The following ART1 variants were observed in gnomAD, a reference collection of about 807,000 sequenced individuals.
ART1 encodes ADP-ribosyltransferase 1.
Under a neutral mutation model 27.0 loss-of-function variants are expected in ART1, and 29 were observed. That is an observed-to-expected ratio of 1.08 (90% confidence interval 0.80 to 1.47). The LOEUF is 1.47. Among genes scored for constraint, ART1 ranks in the 40% most tolerant of loss-of-function variants. The probability of loss-of-function intolerance (pLI) is 0.00; values close to 1 mark genes in which losing one functional copy is unlikely to be tolerated. For synonymous variants in ART1, 201 were observed against 172.2 expected, an observed-to-expected ratio of 1.17 and a Z score of -1.31; for missense variants, 480 against 423.0, an observed-to-expected ratio of 1.13 and a Z score of -1.18.
At chr11:3,651,092 C>G (rs919946316) in intron 1 of ART1, among the ~76,000 whole-genome samples, 2 of 151,974 alleles carry the variant, frequency 1.3e-5, no homozygotes, top group African/African-American at 4.8e-5. Flanking sequence ...CCTTATCAAC[C>G]AAATTGTTTT....
At chr11:3,663,089 ATC>A (rs2077634203) in intron 4 of ART1, among the ~76,000 whole-genome samples, 1 of 87,116 alleles carries the variant, frequency 1.1e-5, no homozygotes, top group African/African-American at 4.4e-5. Context: ...ATCTCATCTC[ATC>A]ATCTCATCTC....
intron 1 of ART1, among the ~76,000 whole-genome samples, chr11:3,658,442 G>A (rs2077591185): frequency 1.3e-5 from 2 of 152,102 alleles, no homozygotes; most frequent in African/African-American, 4.8e-5. Context: ...CACTCCGCCT[G>A]TCCCCCAGCA....
intron 1 of ART1, among the ~76,000 whole-genome samples, chr11:3,658,237 G>A (rs973646761): frequency 2.0e-5 from 3 of 151,370 alleles, no homozygotes; most frequent in Non-Finnish European, 2.9e-5. Flanking sequence ...GGAGGCTGAG[G>A]CAAAAGAATC....
intron 2 of ART1, 98 bp from the exon 3 acceptor site, chr11:3,659,485 C>A: frequency 7.0e-7 from 1 of 1,437,820 alleles, no homozygotes. Context: ...TGTTTGGGGC[C>A]CTTCCTGCCT....
At chr11:3,653,631 G>A (rs534276597) in intron 1 of ART1, among the ~76,000 whole-genome samples, 5 of 152,214 alleles carry the variant, frequency 3.3e-5, no homozygotes, top group South Asian at 4.1e-4. Context: ...ACACGGACGC[G>A]CATGAAAAGA....
At chr11:3,648,983 G>A (rs61878504) in intron 1 of ART1, among the ~76,000 whole-genome samples, 6 of 101,654 alleles carry the variant, frequency 5.9e-5, no homozygotes, top group Admixed American at 1.7e-4. Flanking sequence ...TCCACGCCCC[G>A]ACCTCTTATC....
intron 1 of ART1, among the ~76,000 whole-genome samples, chr11:3,652,083 T>G (rs2077527349): frequency 6.6e-6 from 1 of 151,614 alleles, no homozygotes; most frequent in Admixed American, 6.6e-5. Flanking sequence ...CTGCTACTCC[T>G]CAGGGATCAT....
In ART1 at chr11:3,663,094, C is replaced by CA. The variant is rs1564787035; in HGVS notation, c.887-998_887-997insA. On this transcript the variant is annotated intron_variant, in intron 4 of 4. Transcript: ENST00000250693. ...TCATCTCATCATCTCATCTCATCATCTCATCTCATCTCATCTCATCTCATC... is the reference window on the plus strand; with the variant it reads ...TCATCTCATCATCTCATCTCATCATCATCATCTCATCTCATCTCATCTCATC... Among the ~76,000 whole-genome samples the CA allele has an allele frequency of 1.6e-3, 158 of 96,750 alleles. 2 individuals carry two copies. Among genetic ancestry groups the CA allele is most frequent in the Middle Eastern group, 0.01 (2 of 192 alleles). 63.5% of individuals were successfully genotyped at this position (96,750 alleles called of 152,430 possible).
intron 3 of ART1, among the ~76,000 whole-genome samples, chr11:3,660,933 G>A: frequency 6.6e-6 from 1 of 152,212 alleles, no homozygotes; most frequent in South Asian, 2.1e-4. Flanking sequence ...CCCAGCACAG[G>A]CCAGAAGAAG....
chr11:3,657,609 C>T (rs2077584792), intron 1 of ART1, among the ~76,000 whole-genome samples: 2 of 152,106 alleles, frequency 1.3e-5, no homozygotes, highest in Non-Finnish European at 1.5e-5. Flanking sequence ...ATTTTTCCTA[C>T]CAGTTAAATG....
rs2077507796 is a variant in ART1 at position 3,650,119 on chromosome 11, AG to A, written c.-53+4941del. ...TTGTCTCCACTGTGAGACAAACACCAGCCACATCTCCGGCACACAAGAACTT... is the reference window on the plus strand; with the variant it reads ...TTGTCTCCACTGTGAGACAAACACCACCACATCTCCGGCACACAAGAACTT... On this transcript the variant is annotated intron_variant, in intron 1 of 4. Coordinates refer to ENST00000250693, the MANE Select transcript of ART1 (RefSeq NM_004314.3). 3.3e-5 allele frequency among the ~76,000 whole-genome samples: 5 copies of A among 152,310 alleles called. No homozygotes were observed. In the South Asian group the frequency reaches 1.0e-3, roughly 32 times the overall value.
intron 1 of ART1, among the ~76,000 whole-genome samples, chr11:3,649,604 G>T (rs2077501239): frequency 6.6e-6 from 1 of 152,088 alleles, no homozygotes; most frequent in Non-Finnish European, 1.5e-5. Context: ...GCTGAGCTAG[G>T]TCCCAATTCT....
chr11:3,653,549 G>C (rs142979536), intron 1 of ART1, among the ~76,000 whole-genome samples: 1,647 of 151,864 alleles, frequency 0.011, 24 homozygotes, highest in African/African-American at 0.035. Context: ...CTCTCTTTTC[G>C]GACTCAGTCC....
intron 3 of ART1, among the ~76,000 whole-genome samples, 173 bp from the exon 4 acceptor site, chr11:3,661,199 C>T (rs377196989): frequency 1.3e-5 from 2 of 152,118 alleles, no homozygotes; most frequent in East Asian, 1.9e-4. Context: ...CCCTGCTGCT[C>T]ATGGGTCGAG....
At chr11:3,649,267 C>T (rs897896901) in intron 1 of ART1, among the ~76,000 whole-genome samples, 6 of 152,184 alleles carry the variant, frequency 3.9e-5, no homozygotes, top group Non-Finnish European at 7.3e-5. Context: ...GCCTTATTTT[C>T]TTCTGCAAGG....
At chr11:3,646,842 A>G (rs2077472665) in intron 1 of ART1, among the ~76,000 whole-genome samples, 1 of 152,112 alleles carries the variant, frequency 6.6e-6, no homozygotes, top group Admixed American at 6.5e-5. Context: ...ATACATTTTT[A>G]CTGAGCACCT....
rs534958216 is a variant in ART1 at position 3,663,980 on chromosome 11, C to G, written c.887-112C>G. On this transcript the variant is annotated intron_variant, in intron 4 of 4. Transcript: ENST00000250693. ...TGTGTATCAGTCTGTCCAGCTCACT[C>G]TGCCAATCTCTCCACCTTGTATCTG... The G allele has an allele frequency of 2.5e-5, 24 of 956,152 alleles. No individual in the cohort carries two copies. In the South Asian group the frequency reaches 2.8e-4, roughly 11 times the overall value. The allele number at this position is 956,152 out of a possible 1,614,324, so 59.2% of individuals were successfully genotyped here. A position where few individuals can be genotyped will look rare whatever the true frequency, so the allele number is the denominator to read the frequency against.
chr11:3,654,818 C>T (rs994163679), intron 1 of ART1, among the ~76,000 whole-genome samples: 1 of 152,172 alleles, frequency 6.6e-6, no homozygotes, highest in African/African-American at 2.4e-5. Context: ...TCCTCACTGC[C>T]ATTCTCTTAC....
chr11:3,659,446 A>T, intron 2 of ART1, 137 bp from the exon 3 acceptor site: 1 of 1,354,390 alleles, frequency 7.4e-7, no homozygotes, highest in Non-Finnish European at 1.0e-6. Flanking sequence ...TTACAGCCAG[A>T]GGTTCCCAAT....
Sources: gnomAD v4.1 joint callset for allele counts (sites outside exome capture counted in the v4.1 genomes callset) on GRCh38, gnomAD v4.1.1 for gene constraint, MANE v1.5 for transcripts, NCBI Gene and HGNC (gene_info 2026-07-23, HGNC 2026-07-21) for gene names.